The following ERC2 variants were observed in gnomAD, a reference collection of about 807,000 sequenced individuals.
ERC2 encodes ERC protein 2.
In ERC2, 42 loss-of-function variants were observed where a neutral mutation model predicts 114.8. That is an observed-to-expected ratio of 0.37 (90% confidence interval 0.29 to 0.47). The LOEUF (loss-of-function observed/expected upper bound fraction) is 0.47. ERC2 is among the 20% of genes least tolerant of loss of function. The pLI, the probability that ERC2 is intolerant of heterozygous loss-of-function variation, is 0.99. For synonymous variants in ERC2, 454 were observed against 425.5 expected (o/e 1.07, Z -0.82); for missense variants, 939 against 1,150.7 (o/e 0.82, Z 2.66).
Position 56,016,508 on chromosome 3 carries a change from T to C in ERC2, c.1779+2386A>G, listed in dbSNP as rs565363173. 9.5e-4 allele frequency among the ~76,000 whole-genome samples: 144 copies of C among 151,828 alleles called. 1 individual carries two copies. Among genetic ancestry groups the C allele is most frequent in the Admixed American group, 3.2e-3 (48 of 15,214 alleles). ...TTTTAGAGCTCCTAGGTTTTTATCA[T>C]AGAGCCTTGGTTCTCAGACTAGAGT... On this transcript the variant is annotated intron_variant, in intron 8 of 17. Transcript: ENST00000288221.
chr3:55,664,304 T>C (rs1041302293), intron 17 of ERC2, among the ~76,000 whole-genome samples: 7 of 152,208 alleles, frequency 4.6e-5, no homozygotes, highest in African/African-American at 1.7e-4. Context: ...ATTCCTGTGA[T>C]ACAAACCTTC....
chr3:55,838,717 AAAGG>A (rs1163403044), intron 14 of ERC2, among the ~76,000 whole-genome samples: 2 of 151,968 alleles, frequency 1.3e-5, no homozygotes, highest in Admixed American at 6.6e-5. Flanking sequence ...ACCAAGAAAA[AAAGG>A]AAGGAAGACA....
rs2049249283 is a variant in ERC2 at position 56,213,768 on chromosome 3, TA to T, written c.1075-40249del. On this transcript the variant is annotated intron_variant, in intron 3 of 17. Coordinates refer to ENST00000288221, the MANE Select transcript of ERC2 (RefSeq NM_015576.3). ...AGCGTAACTGGGAGGCACCCCCCAG[TA>T]GGGGCAGACTGACACTTCATACAGC... 2.0e-5 allele frequency among the ~76,000 whole-genome samples: 3 copies of T among 152,202 alleles called. No individual in the cohort carries two copies. The South Asian group carries it at 6.2e-4, about 32-fold the overall frequency.
At chr3:56,379,682 T>A (rs2059675796) in intron 2 of ERC2, among the ~76,000 whole-genome samples, 1 of 152,170 alleles carries the variant, frequency 6.6e-6, no homozygotes, top group African/African-American at 2.4e-5. Context: ...GGTTAAGAAA[T>A]CTTAGTCTGA....
chr3:56,421,537 C>G (rs72875310), intron 2 of ERC2, among the ~76,000 whole-genome samples: 40,103 of 152,220 alleles, frequency 0.26, 5,963 homozygotes, highest in Middle Eastern at 0.38. Context: ...AACAGCGCAA[C>G]TCTAGGCTGT....
chr3:55,620,379 A>G (rs1257089847), intron 17 of ERC2, among the ~76,000 whole-genome samples: 1 of 152,186 alleles, frequency 6.6e-6, no homozygotes, highest in African/African-American at 2.4e-5. Flanking sequence ...GTATAAACTC[A>G]ACTTTTAAAC....
At chr3:56,104,706 C>T (rs949210990) in intron 6 of ERC2, among the ~76,000 whole-genome samples, 1 of 151,622 alleles carries the variant, frequency 6.6e-6, no homozygotes, top group Non-Finnish European at 1.5e-5. Context: ...CCCAGCTGTA[C>T]CATGTCTTAA....
chr3:55,572,190 A>T (rs2056752006), intron 17 of ERC2, among the ~76,000 whole-genome samples: 1 of 152,142 alleles, frequency 6.6e-6, no homozygotes, highest in African/African-American at 2.4e-5. Flanking sequence ...GTCGCCTTTT[A>T]TGGTTCCATC....
rs191537231 is a variant in ERC2, at chr3:56,207,967, A to C, written c.1075-34447T>G. The stretch of plus-strand genomic sequence containing the variant: ...GTGATCAGGAAGAAAAGACAGTAAA[A>C]CATTATGTTTTCCTGTCTTGTAGAT... On this transcript the variant is annotated intron_variant, in intron 3 of 17. Transcript: ENST00000288221. Among the ~76,000 whole-genome samples the C allele has an allele frequency of 3.6e-3, 545 of 152,302 alleles. 5 individuals are homozygous for C. The highest frequency in any genetic ancestry group is 6.8e-3 in the Admixed American group (104 of 15,288).
intron 14 of ERC2, among the ~76,000 whole-genome samples, chr3:55,864,564 C>T (rs1044027443): frequency 1.3e-5 from 2 of 152,064 alleles, no homozygotes; most frequent in African/African-American, 2.4e-5. Context: ...TCTTTTTAAG[C>T]CAACATGCAG....
chr3:56,108,747 G>A (rs371149199), intron 6 of ERC2, among the ~76,000 whole-genome samples: 37 of 152,186 alleles, frequency 2.4e-4, no homozygotes, highest in Middle Eastern at 3.4e-3. Context: ...AGGTAAGCAT[G>A]TCCAATACCA....
chr3:56,390,911 T>C (rs1239820545), intron 2 of ERC2, among the ~76,000 whole-genome samples: 3 of 152,168 alleles, frequency 2.0e-5, no homozygotes, highest in Non-Finnish European at 4.4e-5. Context: ...GACAGCCTAA[T>C]AGAGCTGTGA....
intron 3 of ERC2, among the ~76,000 whole-genome samples, chr3:56,263,598 C>T (rs1370079363): frequency 6.6e-6 from 1 of 151,970 alleles, no homozygotes; most frequent in Non-Finnish European, 1.5e-5. Flanking sequence ...GCATAACCTA[C>T]CAAGACTGAA....
intron 2 of ERC2, among the ~76,000 whole-genome samples, chr3:56,390,442 C>T (rs940287211): frequency 7.2e-5 from 11 of 152,046 alleles, no homozygotes; most frequent in African/African-American, 2.7e-4. Context: ...ATGTTATAAG[C>T]GATCTAACAG....
intron 15 of ERC2, among the ~76,000 whole-genome samples, chr3:55,701,875 T>A (rs1217596166): frequency 6.6e-6 from 1 of 152,240 alleles, no homozygotes; most frequent in Admixed American, 6.5e-5. Context: ...TCTGGAATTG[T>A]TTCTTCTAAA....
chr3:55,696,589 G>A (rs2062943097), intron 16 of ERC2, among the ~76,000 whole-genome samples: 2 of 152,100 alleles, frequency 1.3e-5, no homozygotes, highest in Non-Finnish European at 2.9e-5. Context: ...TAGTGTATGT[G>A]GTCTACACAA....
At position 55,831,477 on chromosome 3, in the gene ERC2, T is replaced by A. The variant is rs978754191; in HGVS notation, c.2564+56912A>T. 1.5e-4 allele frequency among the ~76,000 whole-genome samples: 22 copies of A among 144,166 alleles called. No individual in the cohort carries two copies. In the Admixed American group the frequency reaches 1.5e-3, roughly 10 times the overall value. The allele number at this position is 144,166 out of a possible 152,430, so 94.6% of individuals were successfully genotyped here. On this transcript the variant is annotated intron_variant, in intron 14 of 17. Coordinates refer to ENST00000288221, the MANE Select transcript of ERC2 (RefSeq NM_015576.3). ...AGGAGGGAAGGGCAGGAAATCCAAA[T>A]AATCTAAAATAAGTCTCAAAGGGGA...
intron 17 of ERC2, among the ~76,000 whole-genome samples, chr3:55,635,422 G>A (rs193019935): frequency 6.0e-5 from 9 of 149,480 alleles, no homozygotes; most frequent in Non-Finnish European, 1.3e-4. Context: ...TCTTTGTCTC[G>A]CTCTGTCACC....
intron 16 of ERC2, among the ~76,000 whole-genome samples, chr3:55,688,697 C>A (rs539334808): frequency 1.3e-5 from 2 of 152,166 alleles, no homozygotes; most frequent in Non-Finnish European, 2.9e-5. Context: ...GACATATCAG[C>A]AGCACCCCAA....
Sources: allele counts gnomAD v4.1 joint callset (sites outside exome capture counted in the v4.1 genomes callset), GRCh38; gene constraint gnomAD v4.1.1; transcripts MANE v1.5; gene names NCBI Gene and HGNC (gene_info 2026-07-23, HGNC 2026-07-21).